The following TBC1D1 variants were observed in gnomAD, a reference collection of about 807,000 sequenced individuals.
The protein encoded by TBC1D1 is TBC1 domain family member 1, also known as TBC1 (tre-2/USP6, BUB2, cdc16) domain family, member 1.
A neutral mutation model predicts 125.6 loss-of-function variants in TBC1D1; 89 were observed. The ratio of observed to expected loss-of-function variants is 0.71; its 90% CI spans 0.60 to 0.85. The LOEUF (loss-of-function observed/expected upper bound fraction) is 0.85. Ranked by LOEUF, TBC1D1 falls within the 40% of genes least tolerant of loss-of-function variation. The pLI, the probability that TBC1D1 is intolerant of heterozygous loss-of-function variation, is 0.00. For missense variants in TBC1D1, 1,377 were observed against 1,469.2 expected, an observed-to-expected ratio of 0.94 and a Z score of 1.03; for synonymous variants, 565 against 564.1, an observed-to-expected ratio of 1.00 and a Z score of -0.02.
intron 7 of TBC1D1, among the ~76,000 whole-genome samples, chr4:38,028,110 A>C (rs13113566): frequency 0.14 from 21,079 of 150,658 alleles, 1,585 homozygotes; most frequent in East Asian, 0.2. Context: ...AGCTGCTAAA[A>C]AAACAAACAA....
chr4:37,975,304 G>A (rs187134364), intron 2 of TBC1D1, among the ~76,000 whole-genome samples: 5 of 152,308 alleles, frequency 3.3e-5, no homozygotes, highest in Non-Finnish European at 1.5e-5. Flanking sequence ...GAGACTTTTA[G>A]TACTTTCACT....
At chr4:38,031,959 GATGTAT>G (rs1746234657) in intron 7 of TBC1D1, among the ~76,000 whole-genome samples, 2 of 152,202 alleles carry the variant, frequency 1.3e-5, no homozygotes, top group Non-Finnish European at 2.9e-5. Context: ...ACAAATCAAT[GATGTAT>G]AATTCAGTGA....
intron 12 of TBC1D1, among the ~76,000 whole-genome samples, chr4:38,087,845 CAAAAAAAAAAAAAAAAAG>C (rs1295802306): frequency 2.9e-5 from 2 of 67,880 alleles, no homozygotes; most frequent in Admixed American, 2.1e-4. Context: ...GATTCCGTCT[CAAAAAAAAAAAAAAAAAG>C]AAAAAAAAAA....
intron 12 of TBC1D1, among the ~76,000 whole-genome samples, chr4:38,083,105 C>T (rs1381221932): frequency 1.3e-5 from 2 of 152,082 alleles, no homozygotes; most frequent in Admixed American, 1.3e-4. Flanking sequence ...TTTTTCGAGC[C>T]CTTCTTCTCA....
chr4:37,902,547 G>A (rs1716307953), intron 2 of TBC1D1, 35 bp downstream of exon 2: 11 of 1,528,626 alleles, frequency 7.2e-6, no homozygotes, highest in Non-Finnish European at 9.7e-6. Flanking sequence ...ACTAAGGTGT[G>A]GCTGGCTGGT....
chr4:38,030,766 C>A (rs534299508), intron 7 of TBC1D1, among the ~76,000 whole-genome samples: 1 of 152,238 alleles, frequency 6.6e-6, no homozygotes, highest in African/African-American at 2.4e-5. Flanking sequence ...GGAAAAAGTC[C>A]TCTACATGCA....
chr4:38,074,764 CTT>C (rs10581033), intron 12 of TBC1D1, among the ~76,000 whole-genome samples: 12,629 of 142,514 alleles, frequency 0.089, 598 homozygotes, highest in Admixed American at 0.14. Flanking sequence ...GTCTCTCTCT[CTT>C]TTTTTTTTTT....
chr4:38,017,912 G>A (rs550280717), intron 3 of TBC1D1, among the ~76,000 whole-genome samples: 4 of 152,274 alleles, frequency 2.6e-5, no homozygotes, highest in East Asian at 1.9e-4. Flanking sequence ...GAAAAGGTCC[G>A]GTCACTAGTG....
chr4:38,037,850 A>AT (rs1459139577), intron 8 of TBC1D1, among the ~76,000 whole-genome samples: 1 of 152,210 alleles, frequency 6.6e-6, no homozygotes, highest in Non-Finnish European at 1.5e-5. Flanking sequence ...AAAACCCTGA[A>AT]TGAGTCTTTT....
At position 38,125,098 on chromosome 4, in the gene TBC1D1, T is replaced by C; in HGVS notation, c.3099T>C (p.Leu1033=). Residue 1033 remains leucine (L), a synonymous_variant, in exon 18 of 20, where the codon CTT becomes CTC. Coordinates refer to ENST00000261439, the MANE Select transcript of TBC1D1 (RefSeq NM_015173.4). ...TTATAAAAAGCACGCTACCCAACCT[T>C]GGCTTGGTACAGATGGAAAAGACCA... 6.2e-7 allele frequency: 1 copy of C among 1,614,122 alleles called. No individual in the cohort carries two copies. Among genetic ancestry groups the C allele is most frequent in the Non-Finnish European group, 8.5e-7 (1 of 1,180,016 alleles).
rs370054934 is a variant in TBC1D1, at chr4:37,898,536, G to C, written c.-93-3467G>C. The stretch of plus-strand genomic sequence containing the variant: ...TTCCTCTGGAGCAAAGGGCAGACAC[G>C]CTTGCTTCCTGTACTTCCCACTATA... On this transcript the variant is annotated intron_variant, in intron 1 of 19. Coordinates refer to ENST00000261439, the MANE Select transcript of TBC1D1 (RefSeq NM_015173.4). Among the ~76,000 whole-genome samples, 10 of 152,286 alleles carry C rather than the reference G, an allele frequency of 6.6e-5. No homozygotes were observed. In the South Asian group the frequency reaches 2.1e-3, roughly 32 times the overall value.
chr4:38,094,749 C>T (rs762811968), intron 13 of TBC1D1, among the ~76,000 whole-genome samples: 2 of 152,092 alleles, frequency 1.3e-5, no homozygotes, highest in Non-Finnish European at 1.5e-5. Flanking sequence ...GCCAGAGGAA[C>T]GTACGTTGGC....
At chr4:38,047,048 A>G (rs1201979922) in intron 10 of TBC1D1, among the ~76,000 whole-genome samples, 1 of 152,246 alleles carries the variant, frequency 6.6e-6, no homozygotes, top group East Asian at 1.9e-4. Flanking sequence ...ACACATACCT[A>G]CACATTCACA....
At chr4:37,931,911 G>C (rs1183318029) in intron 2 of TBC1D1, among the ~76,000 whole-genome samples, 1 of 152,166 alleles carries the variant, frequency 6.6e-6, no homozygotes, top group Non-Finnish European at 1.5e-5. Context: ...GCTGGTAACT[G>C]AGCAGAATAG....
chr4:37,937,971 T>C (rs531668252), intron 2 of TBC1D1, among the ~76,000 whole-genome samples: 2 of 152,298 alleles, frequency 1.3e-5, no homozygotes, highest in East Asian at 3.9e-4. Flanking sequence ...GTAAGCAAAA[T>C]GTGGGTTCTA....
At chr4:38,118,941 C>T (rs765842195) in intron 17 of TBC1D1, among the ~76,000 whole-genome samples, 5 of 152,194 alleles carry the variant, frequency 3.3e-5, no homozygotes, top group African/African-American at 9.7e-5. Context: ...GGGCTGTCCA[C>T]GTGCGCATCA....
At chr4:38,000,484 G>A (rs1738825161) in intron 2 of TBC1D1, among the ~76,000 whole-genome samples, 1 of 152,162 alleles carries the variant, frequency 6.6e-6, no homozygotes, top group South Asian at 2.1e-4. Context: ...GCTCTGATGA[G>A]CATTTCCTTT....
At position 38,096,020 on chromosome 4, in the gene TBC1D1, G is replaced by A. The variant is rs1409543576; in HGVS notation, c.2328G>A (p.Lys776=). The A allele has an allele frequency of 5.6e-6, 9 of 1,614,104 alleles. No individual in the cohort carries two copies. In the Admixed American group the frequency reaches 6.7e-5, roughly 12 times the overall value. The change falls in exon 14 of 20, where the codon AAG becomes AAA. Residue 776 remains lysine (K), a synonymous_variant. Coordinates refer to ENST00000261439, the MANE Select transcript of TBC1D1 (RefSeq NM_015173.4). Reference sequence around the variant, plus strand: ...AAGAAGTAACTACAGTGTGGGAAAAGATGCTTAGCACTCCAGGAAGATCAA... The same window carrying A: ...AAGAAGTAACTACAGTGTGGGAAAAAATGCTTAGCACTCCAGGAAGATCAA...
intron 2 of TBC1D1, among the ~76,000 whole-genome samples, chr4:37,994,433 G>A (rs1211386183): frequency 1.3e-5 from 2 of 152,006 alleles, no homozygotes; most frequent in Non-Finnish European, 2.9e-5. Context: ...GAGACTATAG[G>A]TGTGCACCAC....
Sources: allele counts gnomAD v4.1 joint callset (sites outside exome capture counted in the v4.1 genomes callset), GRCh38; gene constraint gnomAD v4.1.1; transcripts MANE v1.5; gene names NCBI Gene and HGNC (gene_info 2026-07-23, HGNC 2026-07-21).